The following RPRD2 variants were observed in gnomAD, a reference collection of about 807,000 sequenced individuals.
The protein encoded by RPRD2 is regulation of nuclear pre-mRNA domain-containing protein 2.
RPRD2 carries 12 observed loss-of-function variants against 104.4 expected under a neutral mutation model. The observed-to-expected ratio is 0.11, with a 90% CI of 0.07 to 0.19. RPRD2 has a LOEUF of 0.19. Among genes scored for constraint, RPRD2 ranks in the 10% least tolerant of loss-of-function variants. RPRD2 has a pLI of 1.00. For synonymous variants in RPRD2, 714 were observed against 684.9 expected (o/e 1.04, Z -0.66); for missense variants, 1,543 against 1,790.1 (o/e 0.86, Z 2.49).
chr1:150,417,171 CATTT>C (rs1469500934), intron 1 of RPRD2, among the ~76,000 whole-genome samples: 2 of 124,072 alleles, frequency 1.6e-5, no homozygotes, highest in East Asian at 4.1e-4. Context: ...ATGTTCAACT[CATTT>C]TTTTTTTGTC....
At chr1:150,385,837 T>C (rs1661522636) in intron 1 of RPRD2, among the ~76,000 whole-genome samples, 1 of 152,240 alleles carries the variant, frequency 6.6e-6, no homozygotes, top group Admixed American at 6.5e-5. Flanking sequence ...GAAATCTGAA[T>C]ATTTTCTTTC....
intron 2 of RPRD2, among the ~76,000 whole-genome samples, chr1:150,439,342 A>G (rs1666250991): frequency 1.3e-5 from 2 of 152,160 alleles, no homozygotes; most frequent in Non-Finnish European, 2.9e-5. Context: ...CCAAACCACC[A>G]CAATAAAGCA....
intron 2 of RPRD2, among the ~76,000 whole-genome samples, chr1:150,430,035 C>T (rs966888173): frequency 2.6e-5 from 4 of 152,194 alleles, no homozygotes; most frequent in Non-Finnish European, 5.9e-5. Flanking sequence ...TCTATATGAA[C>T]ACATTTTCTG....
rs1179189958 is a variant in RPRD2, at chr1:150,472,257, C to A, written c.3309C>A (p.Ile1103=). 2 of 1,613,904 alleles carry A rather than the reference C, an allele frequency of 1.2e-6. No individual in the cohort carries two copies. Among genetic ancestry groups the A allele is most frequent in the Non-Finnish European group, 1.7e-6 (2 of 1,179,862 alleles). ...ATAGGAGGATGTCAGGGGAGCCGAT[C>A]CAGACCGTAGAGTCCATCCGAGTTC... ...ASNRRMSGEP[I]QTVESIRVPG... is the part of the protein sequence containing the mutation. Residue 1103 remains isoleucine (I), a synonymous_variant, in exon 11 of 11, where the codon ATC becomes ATA. Coordinates refer to ENST00000369068, the MANE Select transcript of RPRD2 (RefSeq NM_015203.5).
intron 1 of RPRD2, among the ~76,000 whole-genome samples, chr1:150,403,240 TATC>T (rs1340192021): frequency 2.6e-5 from 4 of 152,196 alleles, no homozygotes; most frequent in Non-Finnish European, 5.9e-5. Flanking sequence ...ACATATATAT[TATC>T]AGTTTTTTTA....
intron 2 of RPRD2, among the ~76,000 whole-genome samples, chr1:150,438,221 C>T (rs1342847881): frequency 2.6e-5 from 4 of 152,042 alleles, no homozygotes; most frequent in African/African-American, 9.7e-5. Flanking sequence ...ACTTGGGAGG[C>T]GGAGGTTGCA....
rs587651602 is a variant in RPRD2, at chr1:150,409,734, C to T, written c.206-7862C>T. Among the ~76,000 whole-genome samples the T allele has an allele frequency of 2.5e-3, 379 of 149,566 alleles. 3 individuals carry two copies. The highest frequency in any genetic ancestry group is 0.019 in the Admixed American group (286 of 14,800). ...CGCAATCTTGGCTCACTGTAACCTC[C>T]GCCTCTGGGTTCAAGCGATTCAGCC... On this transcript the variant is annotated intron_variant, in intron 1 of 10. Transcript: ENST00000369068.
intron 1 of RPRD2, among the ~76,000 whole-genome samples, chr1:150,396,050 T>TG (rs1342215284): frequency 6.6e-6 from 1 of 152,136 alleles, no homozygotes; most frequent in Non-Finnish European, 1.5e-5. Flanking sequence ...AGGAGTCAGG[T>TG]GGTATCACAT....
chr1:150,467,316 T>C (rs747266119), intron 10 of RPRD2, among the ~76,000 whole-genome samples: 1 of 152,202 alleles, frequency 6.6e-6, no homozygotes, highest in Non-Finnish European at 1.5e-5. Flanking sequence ...GTTGTACTAC[T>C]AATATCAGGG....
At chr1:150,407,759 AAG>A (rs1308009467) in intron 1 of RPRD2, among the ~76,000 whole-genome samples, 1 of 152,204 alleles carries the variant, frequency 6.6e-6, no homozygotes, top group Non-Finnish European at 1.5e-5. Context: ...TCTTTGAAAA[AAG>A]ATGTTGTTTT....
intron 1 of RPRD2, among the ~76,000 whole-genome samples, chr1:150,413,786 A>C (rs1229542393): frequency 7.4e-6 from 1 of 134,382 alleles, no homozygotes; most frequent in Non-Finnish European, 1.6e-5. Flanking sequence ...TTAGCCAGGC[A>C]TGGTGACGCA....
intron 1 of RPRD2, among the ~76,000 whole-genome samples, chr1:150,398,301 A>C (rs1166132425): frequency 1.3e-5 from 2 of 151,792 alleles, no homozygotes; most frequent in East Asian, 3.9e-4. Context: ...GGTTCACGCC[A>C]TTCTCCTGCC....
intron 1 of RPRD2, among the ~76,000 whole-genome samples, chr1:150,370,153 C>G (rs1660193383): frequency 6.6e-6 from 1 of 152,006 alleles, no homozygotes; most frequent in Non-Finnish European, 1.5e-5. Context: ...CTCAAGCTAT[C>G]TGCCTGCCTT....
chr1:150,471,763 A>T lies in RPRD2; in HGVS notation c.2815A>T (p.Thr939Ser), dbSNP rs1381056355. The T allele has an allele frequency of 1.2e-6, 2 of 1,613,692 alleles. No individual in the cohort carries two copies. Among genetic ancestry groups the T allele is most frequent in the Admixed American group, 3.3e-5 (2 of 59,962 alleles). The change falls in exon 11 of 11, where the codon ACC (threonine) becomes TCC (serine). Residue 939 changes from threonine to serine, a missense_variant. Transcript: ENST00000369068. This position sits in a 1 kb window ranked among gnomAD's most constrained non-coding sequence, Gnocchi z 5.3. Reference protein sequence around the residue: ...PSPSKNDSFFTPDSNHNSLSQ... With the variant: ...PSPSKNDSFFSPDSNHNSLSQ... ...ACCGAGTAAGAATGATTCATTTTTCACCCCTGACTCCAACCACAATAGCTT... is the reference window on the plus strand; with the variant it reads ...ACCGAGTAAGAATGATTCATTTTTCTCCCCTGACTCCAACCACAATAGCTT...
At chr1:150,367,148 C>T (rs1471374226) in intron 1 of RPRD2, among the ~76,000 whole-genome samples, 1 of 152,170 alleles carries the variant, frequency 6.6e-6, no homozygotes, top group South Asian at 2.1e-4. Flanking sequence ...TGTTGTTTTT[C>T]TAGTGGAATG....
At chr1:150,369,790 T>G (rs1357295193) in intron 1 of RPRD2, among the ~76,000 whole-genome samples, 2 of 140,660 alleles carry the variant, frequency 1.4e-5, no homozygotes, top group Non-Finnish European at 3.1e-5. Context: ...TTTGTTTTTG[T>G]TTTTTTTTGA....
intron 1 of RPRD2, among the ~76,000 whole-genome samples, chr1:150,383,807 C>G (rs80133099): frequency 0.041 from 6,205 of 152,248 alleles, 170 homozygotes; most frequent in Non-Finnish European, 0.065. Flanking sequence ...TTAGTATCAA[C>G]TAGGATAAGA....
chr1:150,401,243 T>A (rs1662977546), intron 1 of RPRD2, among the ~76,000 whole-genome samples: 1 of 151,928 alleles, frequency 6.6e-6, no homozygotes, highest in African/African-American at 2.4e-5. Flanking sequence ...ATCCCAGCAC[T>A]TTGGGAGGCT....
At chr1:150,441,809 C>A in intron 3 of RPRD2, 72 bp from the exon 4 acceptor site, 1 of 979,980 alleles carries the variant, frequency 1.0e-6, no homozygotes, top group Non-Finnish European at 1.5e-6. Flanking sequence ...CATGCTGCAA[C>A]TTTGGCACTG....
Sources: gnomAD v4.1 joint callset for allele counts (sites outside exome capture counted in the v4.1 genomes callset) on GRCh38, gnomAD v4.1.1 for gene constraint, Gnocchi (gnomAD v3.1) non-coding constraint, MANE v1.5 for transcripts, NCBI Gene and HGNC (gene_info 2026-07-23, HGNC 2026-07-21) for gene names.